AQP4: variants seen among roughly 807,000 people sequenced by gnomAD.
The protein encoded by AQP4 is aquaporin 4.
Under a neutral mutation model 27.8 loss-of-function variants are expected in AQP4, and 18 were observed. The ratio of observed to expected loss-of-function variants is 0.65; its 90% confidence interval spans 0.45 to 0.96. The LOEUF is 0.96. Among genes scored for constraint, AQP4 ranks in the 40% least tolerant of loss-of-function variants. The pLI is 0.00. For synonymous variants in AQP4, 141 were observed against 142.9 expected, an observed-to-expected ratio of 0.99 and a Z score of 0.10; for missense variants, 412 against 408.2, an observed-to-expected ratio of 1.01 and a Z score of -0.08.
At chr18:26,861,715 C>G (rs145537579) in intron 2 of AQP4, among the ~76,000 whole-genome samples, 116 of 151,920 alleles carry the variant, frequency 7.6e-4, no homozygotes, top group African/African-American at 2.7e-3. Flanking sequence ...TTAATCAGCC[C>G]TGGTGCTGAG....
Position 26,853,037 on chromosome 18 carries a change from C to G in AQP4, c.*3174G>C. The G allele has an allele frequency of 5.0e-6, 2 of 396,558 alleles. No homozygotes were observed. Among genetic ancestry groups the G allele is most frequent in the Non-Finnish European group, 8.9e-6 (2 of 225,116 alleles). The allele number at this position is 396,558 out of a possible 1,614,324, so 24.6% of individuals were successfully genotyped here. On this transcript the variant is annotated 3_prime_UTR_variant, in exon 5 of 5. Transcript: ENST00000383168. Reference sequence around the variant, plus strand: ...AACCAATACATGTGTTGTCTGGTTTCATGGTCTGAGAACAGTATTCTGTGC... The same window carrying G: ...AACCAATACATGTGTTGTCTGGTTTGATGGTCTGAGAACAGTATTCTGTGC...
At chr18:26,856,516 G>A in intron 4 of AQP4, 27 bp from the exon 5 acceptor site, 3 of 1,611,998 alleles carry the variant, frequency 1.9e-6, no homozygotes, top group South Asian at 1.1e-5. Context: ...AGAGGATAGA[G>A]TGTAAGTAGA....
In AQP4 at chr18:26,856,087, A is replaced by T; in HGVS notation, c.*124T>A. 8.5e-7 allele frequency: 1 copy of T among 1,173,974 alleles called. No homozygotes were observed. Among genetic ancestry groups the T allele is most frequent in the Non-Finnish European group, 1.3e-6 (1 of 789,702 alleles). 72.7% of individuals were successfully genotyped at this position (1,173,974 alleles called of 1,614,324 possible). A position where few individuals can be genotyped will look rare whatever the true frequency, so the allele number is the denominator to read the frequency against. On this transcript the variant is annotated 3_prime_UTR_variant, in exon 5 of 5. Transcript: ENST00000383168. ...GAAATATTTATTGTTTAGACTGAGT[A>T]ATATGACATGAAACAACAAACCTGC...
At chr18:26,864,007 C>A (rs1478590481) in intron 1 of AQP4, among the ~76,000 whole-genome samples, 2 of 144,572 alleles carry the variant, frequency 1.4e-5, no homozygotes, top group Admixed American at 6.9e-5. Flanking sequence ...GGGGGGGGGG[C>A]AATTACCCCA....
intron 1 of AQP4, chr18:26,862,994 C>CGT (rs1555661777): frequency 2.0e-5 from 1 of 48,988 alleles, no homozygotes; most frequent in Non-Finnish European, 4.7e-5. Flanking sequence ...ACAAGGTGTG[C>CGT]GTGGGGGGGG....
chr18:26,863,709 T>C (rs1296225290), intron 1 of AQP4, among the ~76,000 whole-genome samples: 1 of 152,104 alleles, frequency 6.6e-6, no homozygotes, highest in African/African-American at 2.4e-5. Flanking sequence ...GCGGGTGTGG[T>C]TAGGGAAACT....
At chr18:26,859,551 C>T (rs1162652363) in intron 4 of AQP4, among the ~76,000 whole-genome samples, 1 of 152,124 alleles carries the variant, frequency 6.6e-6, no homozygotes, top group Non-Finnish European at 1.5e-5. Flanking sequence ...ATATACTACT[C>T]ACTAAAAATT....
At chr18:26,860,423 A>G (rs1056607812) in intron 4 of AQP4, among the ~76,000 whole-genome samples, 5 of 152,164 alleles carry the variant, frequency 3.3e-5, no homozygotes, top group African/African-American at 1.2e-4. Flanking sequence ...TTTAAACACC[A>G]TATTCACTAC....
chr18:26,857,533 A>G (rs2054866053), intron 4 of AQP4, among the ~76,000 whole-genome samples: 1 of 152,018 alleles, frequency 6.6e-6, no homozygotes, highest in Non-Finnish European at 1.5e-5. Flanking sequence ...TCACTGTGTT[A>G]GCCAGGATGG....
intron 2 of AQP4, among the ~76,000 whole-genome samples, chr18:26,861,693 G>A (rs73945981): frequency 2.6e-5 from 4 of 152,104 alleles, no homozygotes; most frequent in Non-Finnish European, 4.4e-5. Context: ...TTTAAGCCAT[G>A]TGTGTTTTTT....
In AQP4 at chr18:26,862,017, C is replaced by G. The variant is rs2054954589; in HGVS notation, c.447+165G>C. 2.5e-5 allele frequency: 20 copies of G among 809,240 alleles called. No homozygotes were observed. In the South Asian group the frequency reaches 3.3e-4, roughly 13 times the overall value. The allele number at this position is 809,240 out of a possible 1,614,324, so 50.1% of individuals were successfully genotyped here. ...CAAACAATGATTTCTTACAGATATACCTAAATACTGCCAGAATCAGTTTTC... is the reference window on the plus strand; with the variant it reads ...CAAACAATGATTTCTTACAGATATAGCTAAATACTGCCAGAATCAGTTTTC... On this transcript the variant is annotated intron_variant, in intron 2 of 4. Coordinates refer to ENST00000383168, the MANE Select transcript of AQP4 (RefSeq NM_001650.7).
At chr18:26,859,835 AG>A (rs2054908025) in intron 4 of AQP4, among the ~76,000 whole-genome samples, 1 of 152,214 alleles carries the variant, frequency 6.6e-6, no homozygotes, top group Non-Finnish European at 1.5e-5. Context: ...AATAAACACA[AG>A]GGGCATATTC....
rs61731038 is a variant in AQP4 at position 26,861,191 on chromosome 18, A to T, written c.552T>A (p.Asp184Glu). 2,566 of 1,614,164 alleles carry T rather than the reference A, an allele frequency of 1.6e-3. 38 individuals are homozygous for T. In the African/African-American group the frequency reaches 0.03, roughly 19 times the overall value. Residue 184 changes from aspartate (D) to glutamate (E), a missense_variant, in exon 3 of 5, where the codon GAT becomes GAA. Coordinates refer to ENST00000383168, the MANE Select transcript of AQP4 (RefSeq NM_001650.7). ...IFASCDSKRT[D>E]VTGSIALAIG... ...TTGCTAAAGCTATTGAGCCAGTGAC[A>T]TCAGTCCGTTTGGAATCACAGCTGG...
rs1205139881 is a variant in AQP4, at chr18:26,862,449, A to G, written c.180T>C (p.Gly60=). The G allele has an allele frequency of 2.5e-6, 4 of 1,614,154 alleles. No homozygotes were observed. The highest frequency in any genetic ancestry group is 3.4e-6 in the Non-Finnish European group (4 of 1,180,020). The change falls in exon 2 of 5, where the codon GGT becomes GGC. Residue 60 remains glycine, a synonymous_variant. Coordinates refer to ENST00000383168, the MANE Select transcript of AQP4 (RefSeq NM_001650.7). ...LLSLGSTINW[G]GTEKPLPVDM... Reference sequence around the variant, plus strand: ...CGACCGGTAAAGGCTTTTCTGTTCCACCCCAGTTGATGGTGGATCCCAGGC... The same window carrying G: ...CGACCGGTAAAGGCTTTTCTGTTCCGCCCCAGTTGATGGTGGATCCCAGGC...
chr18:26,856,389 G>A lies in AQP4; in HGVS notation c.794C>T (p.Ala265Val), dbSNP rs200121613. The A allele has an allele frequency of 6.2e-6, 10 of 1,614,086 alleles. No individual in the cohort carries two copies. In the African/African-American group the frequency reaches 1.3e-4, roughly 22 times the overall value. The change falls in exon 5 of 5, where the codon GCC becomes GTC. Residue 265 changes from alanine (A) to valine (V), a missense_variant. Transcript: ENST00000383168. The stretch of plus-strand genomic sequence containing the variant: ...TGTTTGCTGGGCAGCTTTGCTGAAG[G>A]CTTCTTTAAAACGACGTTTGAATTC... ...DVEFKRRFKE[A>V]FSKAAQQTKG...
At position 26,856,509 on chromosome 18, in the gene AQP4, G is replaced by A. The variant is rs2054847764; in HGVS notation, c.694-20C>T. ...ATATATCTAAGGAAAAGATGGAAGAGGATAGAGTGTAAGTAGAGAAAAGCT... is the reference window on the plus strand; with the variant it reads ...ATATATCTAAGGAAAAGATGGAAGAAGATAGAGTGTAAGTAGAGAAAAGCT... On this transcript the variant is annotated intron_variant, in intron 4 of 4. Transcript: ENST00000383168. 2 of 1,613,298 alleles carry A rather than the reference G, an allele frequency of 1.2e-6. No homozygotes were observed. Among genetic ancestry groups the A allele is most frequent in the Non-Finnish European group, 1.7e-6 (2 of 1,179,282 alleles).
At chr18:26,860,662 G>C in intron 4 of AQP4, 110 bp downstream of exon 4, 2 of 942,332 alleles carry the variant, frequency 2.1e-6, no homozygotes, top group Non-Finnish European at 3.5e-6. Flanking sequence ...GAGGGTCAAG[G>C]TTGGAGAAAT....
At position 26,861,253 on chromosome 18, in the gene AQP4, ACT is replaced by A. The variant is rs2054937706; in HGVS notation, c.488_489del (p.Glu163ValfsTer16). On this transcript the variant is annotated frameshift_variant, in exon 3 of 5. Coordinates refer to ENST00000383168, the MANE Select transcript of AQP4 (RefSeq NM_001650.7). LOFTEE classifies it high-confidence loss of function. ...AACACCAATTGAAATGTGATTATCA[ACT>A]CAACCAGGAGACCATGACCAGCGGT... is the stretch of plus-strand genomic sequence containing the variant. ...NLTAGHGLLV[E>X]LIITFQLVFT... is the part of the protein sequence containing the mutation. 1.2e-6 allele frequency: 2 copies of A among 1,614,132 alleles called. No homozygotes were observed. Among genetic ancestry groups the A allele is most frequent in the Non-Finnish European group, 1.7e-6 (2 of 1,179,956 alleles).
chr18:26,856,561 GA>G, intron 4 of AQP4, 72 bp from the exon 5 acceptor site: 1 of 1,534,124 alleles, frequency 6.5e-7, no homozygotes, highest in Non-Finnish European at 9.0e-7. Flanking sequence ...CATGAATGTA[GA>G]ATCTAGCTGG....
Sources: gnomAD v4.1 joint callset for allele counts (sites outside exome capture counted in the v4.1 genomes callset) on GRCh38, gnomAD v4.1.1 for gene constraint, MANE v1.5 for transcripts, NCBI Gene and HGNC (gene_info 2026-07-23, HGNC 2026-07-21) for gene names.